Variants in SSTR3 observed in about 807,000 individuals in gnomAD.
The protein encoded by SSTR3 is somatostatin receptor 3, also known as somatostatin receptor type 3.
For missense variants in SSTR3, 504 were observed against 604.7 expected (o/e 0.83, Z 1.75); for synonymous variants, 281 against 269.2 (o/e 1.04, Z -0.43).
At position 37,212,256 on chromosome 22, in the gene SSTR3, G is replaced by T; in HGVS notation, c.-468C>A. 1 of 549,274 alleles carries T rather than the reference G, an allele frequency of 1.8e-6. No individual in the cohort carries two copies. Among genetic ancestry groups the T allele is most frequent in the Non-Finnish European group, 2.3e-6 (1 of 431,760 alleles). The allele number at this position is 549,274 out of a possible 1,614,324, so 34.0% of individuals were successfully genotyped here. ...GAGGGGGAGAGAGAGAGAGGGAGAG[G>T]GAGAGGAGACCGTGAGTAGGAGGAA... On this transcript the variant is annotated 5_prime_UTR_variant, in exon 1 of 2. Transcript: ENST00000610913.
Position 37,210,491 on chromosome 22 carries a change from G to A in SSTR3, c.-37+1334C>T, listed in dbSNP as rs1926125922. 9 of 982,432 alleles carry A rather than the reference G, an allele frequency of 9.2e-6. No homozygotes were observed. The South Asian group carries it at 3.8e-4, about 41-fold the overall frequency. The allele number at this position is 982,432 out of a possible 1,614,324, so 60.9% of individuals were successfully genotyped here. On this transcript the variant is annotated intron_variant, in intron 1 of 1. Transcript: ENST00000610913. ...CGGTCTTCCCTGTCAAAGTTTGAGG[G>A]GCCCAGGCAGCAGAAGCAGGGAAAT...
At position 37,212,238 on chromosome 22, in the gene SSTR3, A is replaced by C; in HGVS notation, c.-450T>G. 1.9e-6 allele frequency: 1 copy of C among 529,058 alleles called. No individual in the cohort carries two copies. Among genetic ancestry groups the C allele is most frequent in the Non-Finnish European group, 2.4e-6 (1 of 415,900 alleles). 32.8% of individuals were successfully genotyped at this position (529,058 alleles called of 1,614,324 possible). On this transcript the variant is annotated 5_prime_UTR_variant, in exon 1 of 2. Coordinates refer to ENST00000610913, the MANE Select transcript of SSTR3 (RefSeq NM_001051.5). ...GAGAGAGAGAGAAAGAGGGAGGGGG[A>C]GAGAGAGAGAGGGAGAGGGAGAGGA...
At chr22:37,220,250 C>T in the SSTR3 span, among the ~76,000 whole-genome samples, 40 of 152,116 alleles carry the variant, frequency 2.6e-4, no homozygotes, top group African/African-American at 9.4e-4. Flanking sequence ...GTGGAAGGAG[C>T]GGCTTGAGCA....
At chr22:37,214,272 G>A (rs1022581536), upstream of SSTR3, among the ~76,000 whole-genome samples, 22 of 152,228 alleles carry the variant, frequency 1.4e-4, no homozygotes, top group African/African-American at 5.3e-4. Context: ...AGCAGGTGCA[G>A]AAAGGGGGCT....
chr22:37,204,798 T>A lies in SSTR3; in HGVS notation c.*1749A>T, dbSNP rs1925617726. ...GCTGGGATTCATCTCCATTTGTTGATGGGGAAATTGAGGCCCGGAAGGCCA... is the reference window on the plus strand; with the variant it reads ...GCTGGGATTCATCTCCATTTGTTGAAGGGGAAATTGAGGCCCGGAAGGCCA... On this transcript the variant is annotated 3_prime_UTR_variant, in exon 2 of 2. Coordinates refer to ENST00000610913, the MANE Select transcript of SSTR3 (RefSeq NM_001051.5). 1 of 152,300 alleles carries A rather than the reference T, an allele frequency of 6.6e-6. No homozygotes were observed. Among genetic ancestry groups the A allele is most frequent in the Admixed American group, 6.5e-5 (1 of 15,290 alleles). The allele number at this position is 152,300 out of a possible 1,614,324, so 9.4% of individuals were successfully genotyped here.
chr22:37,207,152 G>T lies in SSTR3; in HGVS notation c.652C>A (p.Pro218Thr). 1 of 1,612,534 alleles carries T rather than the reference G, an allele frequency of 6.2e-7. No homozygotes were observed. Among genetic ancestry groups the T allele is most frequent in the Non-Finnish European group, 8.5e-7 (1 of 1,179,684 alleles). The change falls in exon 2 of 2, where the codon CCG becomes ACG. Residue 218 changes from proline to threonine, a missense_variant. Transcript: ENST00000610913. ...TAGCAGAGGCAGATGACCAGCAGCG[G>T]CCCGAAGAAGCCCAGTGCGGCCGTG... ...IYTAALGFFGPLLVICLCYLL... is the reference protein window; with the variant it reads ...IYTAALGFFGTLLVICLCYLL...
At chr22:37,211,255 C>T (rs773826327) in intron 1 of SSTR3, among the ~76,000 whole-genome samples, 2 of 152,206 alleles carry the variant, frequency 1.3e-5, no homozygotes, top group Non-Finnish European at 2.9e-5. Flanking sequence ...CCCCCAAAGA[C>T]ACCTGGCTTA....
rs1925864002 is a variant in SSTR3 at position 37,207,231 on chromosome 22, G to T, written c.573C>A (p.Cys191Ter). ...CCGCCGGCTCGGGCCACTGCATGTG[G>T]CAGGTGCTCATGCCGCGGGGCACTC... The part of the protein sequence containing the change: ...FSGVPRGMST[C>*]HMQWPEPAAA... The change falls in exon 2 of 2, where the codon TGC (cysteine) becomes TGA (stop). Residue 191 changes from cysteine (C) to a stop codon, truncating the protein, a stop_gained. Coordinates refer to ENST00000610913, the MANE Select transcript of SSTR3 (RefSeq NM_001051.5). LOFTEE classifies it low-confidence loss of function (END_TRUNC). 1.9e-6 allele frequency: 3 copies of T among 1,608,522 alleles called. No individual in the cohort carries two copies. Among genetic ancestry groups the T allele is most frequent in the South Asian group, 1.1e-5 (1 of 90,764 alleles).
Position 37,212,085 on chromosome 22 carries a change from T to C in SSTR3, c.-297A>G, listed in dbSNP as rs971546628. ...CGTCACCCCCCATCTCCAGGACACA[T>C]CCTGGGGGGGCAGGGGCAAGGATAG... On this transcript the variant is annotated 5_prime_UTR_variant, in exon 1 of 2. It removes an upstream start codon present in the reference 5' UTR. Transcript: ENST00000610913. The C allele has an allele frequency of 2.0e-6, 2 of 984,814 alleles. No homozygotes were observed. The highest frequency in any genetic ancestry group is 3.5e-5 in the African/African-American group (2 of 56,914). The allele number at this position is 984,814 out of a possible 1,614,324, so 61.0% of individuals were successfully genotyped here. A position where few individuals can be genotyped will look rare whatever the true frequency, so the allele number is the denominator to read the frequency against.
rs978166723 is a variant in SSTR3, at chr22:37,204,301, C to T, written c.*2246G>A. 6.6e-5 allele frequency: 10 copies of T among 152,220 alleles called. No individual in the cohort carries two copies. The highest frequency in any genetic ancestry group is 2.4e-4 in the African/African-American group (10 of 41,420). 9.4% of individuals were successfully genotyped at this position (152,220 alleles called of 1,614,324 possible). On this transcript the variant is annotated 3_prime_UTR_variant, in exon 2 of 2. Transcript: ENST00000610913. ...AAGCAGCAAAGGGTTTCCTAACTGGCCTCCCAGGGACCATTCTAGGACATT... is the reference window on the plus strand; with the variant it reads ...AAGCAGCAAAGGGTTTCCTAACTGGTCTCCCAGGGACCATTCTAGGACATT...
rs774669227 is a variant in SSTR3, at chr22:37,206,690, C to T, written c.1114G>A (p.Gly372Ser). ...GGCTGCGTGATCTGGCTGACCCGGC[C>T]GTTCATCTCCTTCCCCTTGCCCCCC... ...REGGKGKEMNGRVSQITQPGT... is the reference protein window; with the variant it reads ...REGGKGKEMNSRVSQITQPGT... The change falls in exon 2 of 2, where the codon GGC becomes AGC. Residue 372 changes from glycine to serine, a missense_variant. Transcript: ENST00000610913. The T allele has an allele frequency of 2.2e-5, 36 of 1,608,908 alleles. No homozygotes were observed. Among genetic ancestry groups the T allele is most frequent in the East Asian group, 6.7e-5 (3 of 44,894 alleles).
intron 1 of SSTR3, chr22:37,211,043 G>A: frequency 1.1e-6 from 1 of 920,914 alleles, no homozygotes; most frequent in Non-Finnish European, 1.3e-6. Flanking sequence ...GGTTGAGTAA[G>A]CTGCAAAGGG....
intron 1 of SSTR3, among the ~76,000 whole-genome samples, chr22:37,210,034 T>G (rs912560951): frequency 1.3e-5 from 2 of 152,242 alleles, no homozygotes; most frequent in African/African-American, 4.8e-5. Flanking sequence ...CCTGGAATTG[T>G]GCAACCTGGA....
chr22:37,216,015 T>C (rs56008441), upstream of SSTR3: 46,315 of 158,426 alleles, frequency 0.29, 7,774 homozygotes, highest in Non-Finnish European at 0.39. Flanking sequence ...TAAAACAATA[T>C]AACAATATAT....
rs544035607 is a variant in SSTR3, at chr22:37,208,051, G to A, written c.-36-212C>T. On this transcript the variant is annotated intron_variant, in intron 1 of 1. Coordinates refer to ENST00000610913, the MANE Select transcript of SSTR3 (RefSeq NM_001051.5). Reference sequence around the variant, plus strand: ...GTGTTATCCCCTTTTCTCAGATGAGGAAACTGAGGCTCAGGGAGGTGAGGT... The same window carrying A: ...GTGTTATCCCCTTTTCTCAGATGAGAAAACTGAGGCTCAGGGAGGTGAGGT... Among the ~76,000 whole-genome samples the A allele has an allele frequency of 1.5e-3, 224 of 152,324 alleles. 1 individual carries two copies. Among genetic ancestry groups the A allele is most frequent in the African/African-American group, 5.1e-3 (212 of 41,576 alleles).
At chr22:37,211,417 G>C (rs4821600) in intron 1 of SSTR3, among the ~76,000 whole-genome samples, 73,011 of 151,970 alleles carry the variant, frequency 0.48, 18,044 homozygotes, top group East Asian at 0.75. Context: ...ACTTCTCCCC[G>C]CTGCACCTCA....
At chr22:37,210,674 C>T (rs1007937856) in intron 1 of SSTR3, 40 of 985,326 alleles carry the variant, frequency 4.1e-5, no homozygotes, top group Admixed American at 6.1e-5. Flanking sequence ...AAGCTGGGGG[C>T]GGACTCCTTG....
the SSTR3 span, among the ~76,000 whole-genome samples, chr22:37,219,163 C>A: frequency 2.0e-5 from 3 of 152,150 alleles, no homozygotes; most frequent in East Asian, 1.9e-4. Flanking sequence ...TGCTTTTCAG[C>A]GAGGAGGTGG....
upstream of SSTR3, among the ~76,000 whole-genome samples, chr22:37,216,378 C>T (rs1002694892): frequency 6.6e-6 from 1 of 152,174 alleles, no homozygotes; most frequent in Admixed American, 6.5e-5. Context: ...CCCTTCTCCC[C>T]ATCTTCTCAA....
Sources: gnomAD v4.1 joint callset for allele counts (sites outside exome capture counted in the v4.1 genomes callset) on GRCh38, gnomAD v4.1.1 for gene constraint, MANE v1.5 for transcripts, NCBI Gene and HGNC (gene_info 2026-07-23, HGNC 2026-07-21) for gene names.